PCDHGA2: variants seen among roughly 807,000 people sequenced by gnomAD.
PCDHGA2 encodes protocadherin gamma-A2.
A neutral mutation model predicts 59.2 loss-of-function variants in PCDHGA2; 40 were observed. The observed-to-expected ratio is 0.68, with a 90% CI of 0.52 to 0.88. PCDHGA2 has a LOEUF of 0.88. Ranked by LOEUF, PCDHGA2 falls within the 40% of genes least tolerant of loss-of-function variation. The probability of loss-of-function intolerance (pLI) is 0.00; values close to 1 mark genes in which losing one functional copy is unlikely to be tolerated. For missense variants in PCDHGA2, 1,226 were observed against 1,204.0 expected (o/e 1.02, Z -0.27); for synonymous variants, 560 against 526.0 (o/e 1.06, Z -0.89).
intron 2 of PCDHGA2, among the ~76,000 whole-genome samples, chr5:141,500,614 C>T (rs1300242596): frequency 1.3e-5 from 2 of 152,204 alleles, no homozygotes; most frequent in African/African-American, 4.8e-5. Context: ...TATTCCCAGT[C>T]ATACGGTACA....
rs1756914771 is a variant in PCDHGA2, at chr5:141,340,187, A to C, written c.1216A>C (p.Thr406Pro). Residue 406 changes from threonine to proline, a missense_variant, in exon 1 of 4, where the codon ACA (threonine) becomes CCA (proline). Transcript: ENST00000394576. The part of the protein sequence containing the change: ...KSVDNYYRLV[T>P]TRALDREQFS... ...AGTAGACAATTACTACCGACTGGTT[A>C]CAACCAGAGCCCTTGACAGGGAACA... The C allele has an allele frequency of 6.2e-7, 1 of 1,614,078 alleles. No individual in the cohort carries two copies. The highest frequency in any genetic ancestry group is 1.3e-5 in the African/African-American group (1 of 74,938).
chr5:141,467,736 G>A (rs1435480730), intron 1 of PCDHGA2, among the ~76,000 whole-genome samples: 1 of 151,902 alleles, frequency 6.6e-6, no homozygotes, highest in Non-Finnish European at 1.5e-5. Flanking sequence ...ATCCCAGCTC[G>A]CTGCAACCTC....
rs761718852 is a variant in PCDHGA2, at chr5:141,432,440, G to A, written c.2425-62367G>A. ...GCTGGACCAGAACGACAATGCGCCCGAGATCCTGTACCCCGCCCTCCCCAC... is the reference window on the plus strand; with the variant it reads ...GCTGGACCAGAACGACAATGCGCCCAAGATCCTGTACCCCGCCCTCCCCAC... On this transcript the variant is annotated intron_variant, in intron 1 of 3. Transcript: ENST00000394576. The surrounding 1 kb of genome is among the most constrained non-coding windows in gnomAD (Gnocchi z 6.0). 1.3e-5 allele frequency: 21 copies of A among 1,614,226 alleles called. No homozygotes were observed. Among genetic ancestry groups the A allele is most frequent in the Non-Finnish European group, 1.6e-5 (19 of 1,180,048 alleles).
In PCDHGA2 at chr5:141,340,918, C is replaced by A. The variant is rs769573354; in HGVS notation, c.1947C>A (p.His649Gln). The change falls in exon 1 of 4, where the codon CAC becomes CAA. Residue 649 changes from histidine to glutamine, a missense_variant. Transcript: ENST00000394576. Reference protein sequence around the residue: ...KQSLVVAIQDHGQPPLSATVT... With the variant: ...KQSLVVAIQDQGQPPLSATVT... ...GCCTCGTGGTGGCCATCCAGGACCA[C>A]GGCCAGCCCCCTCTCTCCGCCACTG... 1 of 1,613,788 alleles carries A rather than the reference C, an allele frequency of 6.2e-7. No homozygotes were observed. Among genetic ancestry groups the A allele is most frequent in the Admixed American group, 1.7e-5 (1 of 60,018 alleles).
rs747283905 is a variant in PCDHGA2, at chr5:141,491,693, G to A, written c.2425-3114G>A. On this transcript the variant is annotated intron_variant, in intron 1 of 3. Transcript: ENST00000394576. The surrounding 1 kb of genome is among the most constrained non-coding windows in gnomAD (Gnocchi z 6.9). ...TCCCGCTCTAATACGCTGCGGGAGC[G>A]GAGCCAGGTGAGGGGCTCGGCGCCG... 3.7e-5 allele frequency: 59 copies of A among 1,612,434 alleles called. No homozygotes were observed. Among genetic ancestry groups the A allele is most frequent in the Non-Finnish European group, 4.7e-5 (55 of 1,179,352 alleles).
At chr5:141,346,007 C>A (rs1757680844) in intron 1 of PCDHGA2, 2 of 1,613,382 alleles carry the variant, frequency 1.2e-6, no homozygotes, top group African/African-American at 2.7e-5. Context: ...CCGCCACTGT[C>A]ACGCTCACCG....
intron 1 of PCDHGA2, chr5:141,351,237 A>T: frequency 6.2e-7 from 1 of 1,613,758 alleles, no homozygotes; most frequent in Non-Finnish European, 8.5e-7. Context: ...CACACAGCTC[A>T]CTGTAATGTT....
At chr5:141,478,711 T>G (rs1420376406) in intron 1 of PCDHGA2, 1 of 1,547,346 alleles carries the variant, frequency 6.5e-7, no homozygotes. Context: ...CTTTGTGAGA[T>G]GGTGGCCTGC....
intron 1 of PCDHGA2, among the ~76,000 whole-genome samples, chr5:141,358,000 G>A (rs1178466478): frequency 6.6e-6 from 1 of 152,102 alleles, no homozygotes; most frequent in African/African-American, 2.4e-5. Context: ...GACCAGTCTG[G>A]GCAACATGGT....
In PCDHGA2 at chr5:141,343,245, G is replaced by T. The variant is rs1332071008; in HGVS notation, c.2424+1850G>T. The T allele has an allele frequency of 4.3e-6, 4 of 922,118 alleles. No individual in the cohort carries two copies. The South Asian group carries it at 1.5e-4, about 35-fold the overall frequency. The allele number at this position is 922,118 out of a possible 1,614,324, so 57.1% of individuals were successfully genotyped here. ...TGAATATTAAATAACAACAAATATC[G>T]AAACTAAGTTATCAGGTCACCAAGA... On this transcript the variant is annotated intron_variant, in intron 1 of 3. Coordinates refer to ENST00000394576, the MANE Select transcript of PCDHGA2 (RefSeq NM_018915.4).
intron 1 of PCDHGA2, among the ~76,000 whole-genome samples, chr5:141,381,126 A>G (rs772022914): frequency 2.6e-5 from 4 of 152,232 alleles, no homozygotes; most frequent in Non-Finnish European, 5.9e-5. Context: ...TGTATTCTGG[A>G]GCAATGCCAC....
rs537755017 is a variant in PCDHGA2 at position 141,491,797 on chromosome 5, G to A, written c.2425-3010G>A. 16 of 1,506,818 alleles carry A rather than the reference G, an allele frequency of 1.1e-5. No individual in the cohort carries two copies. In the Admixed American group the frequency reaches 2.2e-4, roughly 20 times the overall value. The allele number at this position is 1,506,818 out of a possible 1,614,324, so 93.3% of individuals were successfully genotyped here. A position where few individuals can be genotyped will look rare whatever the true frequency, so the allele number is the denominator to read the frequency against. ...ATTGAACTTGCATCCACTCCTCTCC[G>A]GCCGGCTTGGTCGCTGGCTGCGCTC... On this transcript the variant is annotated intron_variant, in intron 1 of 3. Transcript: ENST00000394576. The surrounding 1 kb of genome is among the most constrained non-coding windows in gnomAD (Gnocchi z 6.9).
intron 1 of PCDHGA2, chr5:141,366,073 C>T (rs766163319): frequency 3.7e-6 from 6 of 1,614,234 alleles, no homozygotes; most frequent in Non-Finnish European, 5.1e-6. Flanking sequence ...CGCCTCGCTC[C>T]GCAGAACCTG....
intron 1 of PCDHGA2, among the ~76,000 whole-genome samples, chr5:141,445,011 T>C (rs970882082): frequency 1.3e-5 from 2 of 152,196 alleles, no homozygotes; most frequent in Non-Finnish European, 2.9e-5. Flanking sequence ...AATTAGGTCT[T>C]TAATTTCTCT....
intron 1 of PCDHGA2, chr5:141,410,146 C>T (rs2095361527): frequency 2.5e-6 from 4 of 1,612,390 alleles, no homozygotes; most frequent in Non-Finnish European, 2.5e-6. Context: ...CTGTGCGTGA[C>T]GGTGGACAGC....
intron 1 of PCDHGA2, chr5:141,413,787 A>G (rs2095678061): frequency 6.2e-7 from 1 of 1,613,170 alleles, no homozygotes; most frequent in African/African-American, 1.3e-5. Flanking sequence ...AGCACTCCCT[A>G]GATCGCGAGG....
At chr5:141,478,528 G>A (rs1013766552) in intron 1 of PCDHGA2, 1 of 1,609,730 alleles carries the variant, frequency 6.2e-7, no homozygotes, top group Non-Finnish European at 8.5e-7. Context: ...TGGGTGCAGA[G>A]AGCGCCCCTC....
chr5:141,366,103 G>T, intron 1 of PCDHGA2: 1 of 1,614,244 alleles, frequency 6.2e-7, no homozygotes, highest in Non-Finnish European at 8.5e-7. Flanking sequence ...TGACCAAGGT[G>T]GTAGCGGTGG....
rs377367120 is a variant in PCDHGA2, at chr5:141,431,614, C to A, written c.2425-63193C>A. On this transcript the variant is annotated intron_variant, in intron 1 of 3. Transcript: ENST00000394576. The surrounding 1 kb of genome is among the most constrained non-coding windows in gnomAD (Gnocchi z 4.8). ...TGAGGTATTCCTTCCGGTATGTGGA[C>A]GACAAGGCGGCCCAAGTTTTCAAAC... The A allele has an allele frequency of 8.7e-6, 14 of 1,614,206 alleles. No individual in the cohort carries two copies. In the African/African-American group the frequency reaches 1.6e-4, roughly 18 times the overall value.
Sources: allele counts gnomAD v4.1 joint callset (sites outside exome capture counted in the v4.1 genomes callset), GRCh38; gene constraint gnomAD v4.1.1; non-coding constraint Gnocchi (gnomAD v3.1); transcripts MANE v1.5; gene names NCBI Gene and HGNC (gene_info 2026-07-23, HGNC 2026-07-21).